The following KRT82 variants were observed in gnomAD, a reference collection of about 807,000 sequenced individuals.
The protein encoded by KRT82 is keratin, type II cuticular Hb2.
In KRT82, 44 loss-of-function variants were observed where a neutral mutation model predicts 48.0. That is an observed-to-expected ratio of 0.92 (90% CI 0.72 to 1.18). The LOEUF (loss-of-function observed/expected upper bound fraction) is 1.18. Ranked by LOEUF, KRT82 falls within the 50% of genes most tolerant of loss-of-function variation. The pLI, the probability that KRT82 is intolerant of heterozygous loss-of-function variation, is 0.00. For synonymous variants in KRT82, 297 were observed against 278.3 expected, an observed-to-expected ratio of 1.07 and a Z score of -0.67; for missense variants, 701 against 671.4, an observed-to-expected ratio of 1.04 and a Z score of -0.49.
At position 52,395,021 on chromosome 12, in the gene KRT82, C is replaced by T. The variant is rs777609039; in HGVS notation, c.1496G>A (p.Ser499Asn). The T allele has an allele frequency of 4.3e-6, 7 of 1,613,906 alleles. No individual in the cohort carries two copies. The change falls in exon 9 of 9, where the codon AGC becomes AAC. Residue 499 changes from serine to asparagine, a missense_variant. Transcript: ENST00000257974. ...LLSCGSGRKS[S>N]MTLGAGGSSP... is the part of the protein sequence containing the mutation. ...GCTGCCCCCAGCTCCTAGCGTCATGCTGGATTTCCGCCCGCTCCCACAGCT... is the reference window on the plus strand; with the variant it reads ...GCTGCCCCCAGCTCCTAGCGTCATGTTGGATTTCCGCCCGCTCCCACAGCT...
At chr12:52,400,857 C>A (rs900362384) in intron 3 of KRT82, among the ~76,000 whole-genome samples, 1 of 152,168 alleles carries the variant, frequency 6.6e-6, no homozygotes, top group East Asian at 1.9e-4. Flanking sequence ...TTAGCAGCAG[C>A]ATCTCAGAGC....
chr12:52,400,640 C>A lies in KRT82; in HGVS notation c.682-18G>T. On this transcript the variant is annotated intron_variant, in intron 3 of 8. Transcript: ENST00000257974. ...TCCACGTCCTGCAGCAGAGCAGGGA[C>A]AGAATGTGACCTGGCTGGGCCACCT... 1 of 1,589,086 alleles carries A rather than the reference C, an allele frequency of 6.3e-7. No homozygotes were observed. Among genetic ancestry groups the A allele is most frequent in the Non-Finnish European group, 8.6e-7 (1 of 1,157,548 alleles).
Position 52,406,062 on chromosome 12 carries a change from T to A in KRT82, c.216A>T (p.Gly72=). The change falls in exon 1 of 9, where the codon GGA becomes GGT. Residue 72 remains glycine (G), a synonymous_variant. Coordinates refer to ENST00000257974, the MANE Select transcript of KRT82 (RefSeq NM_033033.4). ...GGTACCCGAAGCCAGGCAGGGTACC[T>A]CCACACCTGGAGGCTACCCGGGGCC... ...FGRPRVASRC[G]GTLPGFGYRL... is the part of the protein sequence containing the mutation. 6.2e-7 allele frequency: 1 copy of A among 1,614,006 alleles called. No individual in the cohort carries two copies.
At chr12:52,396,362 G>A (rs1284814128) in intron 6 of KRT82, 130 bp from the exon 7 acceptor site, 13 of 805,826 alleles carry the variant, frequency 1.6e-5, no homozygotes, top group African/African-American at 6.9e-5. Flanking sequence ...CTAGGATTGC[G>A]ACATCTGGTT....
chr12:52,400,277 A>G, intron 4 of KRT82, 128 bp from the exon 5 acceptor site: 1 of 982,186 alleles, frequency 1.0e-6, no homozygotes, highest in Non-Finnish European at 1.5e-6. Context: ...TCTGGGCTTC[A>G]GTCACCAACT....
In KRT82 at chr12:52,400,567, A is replaced by G. The variant is rs201852959; in HGVS notation, c.737T>C (p.Leu246Pro). Residue 246 changes from leucine to proline, a missense_variant, in exon 4 of 9, where the codon CTC becomes CCC. Leu to Pro is a moderately conservative substitution (Grantham distance 98). Coordinates refer to ENST00000257974, the MANE Select transcript of KRT82 (RefSeq NM_033033.4). The stretch of plus-strand genomic sequence containing the variant: ...TTTCAGGAAGTCGATCTCCTGCACG[A>G]GTGCCTCTGCGTTGGTCTCCAGGTC... ...KADLETNAEA[L>P]VQEIDFLKSL... 606 of 1,614,110 alleles carry G rather than the reference A, an allele frequency of 3.8e-4. 8 individuals are homozygous for G. In the South Asian group the frequency reaches 6.3e-3, roughly 17 times the overall value.
chr12:52,403,959 T>C (rs755734562), intron 1 of KRT82, 50 bp from the exon 2 acceptor site: 1 of 1,557,090 alleles, frequency 6.4e-7, no homozygotes. Context: ...CTGGGGACCA[T>C]GACTTAGAGA....
intron 3 of KRT82, among the ~76,000 whole-genome samples, chr12:52,400,826 G>A (rs1939779907): frequency 1.3e-5 from 2 of 152,276 alleles, no homozygotes; most frequent in African/African-American, 2.4e-5. Flanking sequence ...GGATCTGAAG[G>A]GGGTGGGGCT....
chr12:52,401,039 C>T (rs575317100), intron 3 of KRT82, among the ~76,000 whole-genome samples: 5 of 152,260 alleles, frequency 3.3e-5, no homozygotes, highest in South Asian at 4.1e-4. Flanking sequence ...AACCCAGCTT[C>T]GGCCTGCATG....
rs1156864887 is a variant in KRT82, at chr12:52,395,238, G to T, written c.1322-43C>A. ...GGTGCTCAGGGCCCCACACGGTGTG[G>T]CTCTCAGTGTACTGCCCTGAAACTA... is the stretch of plus-strand genomic sequence containing the variant. On this transcript the variant is annotated intron_variant, in intron 8 of 8. Coordinates refer to ENST00000257974, the MANE Select transcript of KRT82 (RefSeq NM_033033.4). 7.1e-6 allele frequency: 11 copies of T among 1,539,974 alleles called. No individual in the cohort carries two copies. The South Asian group carries it at 1.3e-4, about 18-fold the overall frequency.
chr12:52,398,740 G>T (rs1290721855), intron 5 of KRT82, among the ~76,000 whole-genome samples: 2 of 152,062 alleles, frequency 1.3e-5, no homozygotes, highest in Non-Finnish European at 2.9e-5. Flanking sequence ...CCACCATGGA[G>T]CTCCAGAAAA....
At position 52,393,949 on chromosome 12, in the gene KRT82, A is replaced by G. The variant is rs1939669684; in HGVS notation, c.*1026T>C. 6.6e-6 allele frequency: 1 copy of G among 152,240 alleles called. No homozygotes were observed. Among genetic ancestry groups the G allele is most frequent in the Non-Finnish European group, 1.5e-5 (1 of 68,048 alleles). 9.4% of individuals were successfully genotyped at this position (152,240 alleles called of 1,614,324 possible). ...TAAATAATCCTGATTGCTATAATCC[A>G]TGAACAGAGTAGGTTTATTTTGAAC... On this transcript the variant is annotated 3_prime_UTR_variant, in exon 9 of 9. Coordinates refer to ENST00000257974, the MANE Select transcript of KRT82 (RefSeq NM_033033.4).
intron 8 of KRT82, among the ~76,000 whole-genome samples, chr12:52,395,431 C>T (rs1939700033): frequency 6.6e-6 from 1 of 152,194 alleles, no homozygotes. Context: ...GATTCAGCTT[C>T]ACCATTTCTC....
chr12:52,394,589 G>A lies in KRT82; in HGVS notation c.*386C>T, dbSNP rs1001202332. 3 of 230,444 alleles carry A rather than the reference G, an allele frequency of 1.3e-5. No homozygotes were observed. The highest frequency in any genetic ancestry group is 1.7e-4 in the South Asian group (2 of 11,678). 14.3% of individuals were successfully genotyped at this position (230,444 alleles called of 1,614,324 possible). A position where few individuals can be genotyped will look rare whatever the true frequency, so the allele number is the denominator to read the frequency against. ...GGCATGAGAGCCTAAAGTAAGGGCA[G>A]TGTGAGCCTGTGGTGGGAGAGGAGC... On this transcript the variant is annotated 3_prime_UTR_variant, in exon 9 of 9. Transcript: ENST00000257974.
In KRT82 at chr12:52,394,922, G is replaced by T; in HGVS notation, c.*53C>A. ...TTGTCTTCAGCCCTGGTGGGAGTGT[G>T]ACATCCAGGGCCATGGGGCAGGGGC... On this transcript the variant is annotated 3_prime_UTR_variant, in exon 9 of 9. Transcript: ENST00000257974. 3 of 1,470,914 alleles carry T rather than the reference G, an allele frequency of 2.0e-6. No homozygotes were observed. Among genetic ancestry groups the T allele is most frequent in the Admixed American group, 3.4e-5 (2 of 59,346 alleles). 91.1% of individuals were successfully genotyped at this position (1,470,914 alleles called of 1,614,324 possible).
intron 5 of KRT82, 147 bp downstream of exon 5, chr12:52,399,838 T>C: frequency 1.2e-6 from 1 of 813,234 alleles, no homozygotes; most frequent in Non-Finnish European, 1.9e-6. Context: ...CAACAGCAGC[T>C]GGGCTTTATG....
At chr12:52,397,054 T>A in intron 5 of KRT82, 46 bp from the exon 6 acceptor site, 1 of 1,599,950 alleles carries the variant, frequency 6.3e-7, no homozygotes. Context: ...CAAGATGGCA[T>A]CTCCTAGCCT....
rs766666197 is a variant in KRT82 at position 52,403,826 on chromosome 12, G to C, written c.495C>G (p.Ile165Met). The C allele has an allele frequency of 4.3e-6, 7 of 1,613,794 alleles. No individual in the cohort carries two copies. The African/African-American group carries it at 8.0e-5, about 18-fold the overall frequency. The stretch of plus-strand genomic sequence containing the variant: ...TGATATAGCCCTCGAAGATGGGCTC[G>C]ATGTTGGTCTGGCAGCACCTCTGCT... ...MQQQRCCQTN[I>M]EPIFEGYISA... Residue 165 changes from isoleucine to methionine, a missense_variant, in exon 2 of 9, where the codon ATC (isoleucine) becomes ATG (methionine). Physicochemically the swap from Ile to Met is conservative, Grantham distance 10. Coordinates refer to ENST00000257974, the MANE Select transcript of KRT82 (RefSeq NM_033033.4).
Position 52,394,703 on chromosome 12 carries a change from C to T in KRT82, c.*272G>A, listed in dbSNP as rs906128780. 3.4e-5 allele frequency: 18 copies of T among 524,874 alleles called. No individual in the cohort carries two copies. Among genetic ancestry groups the T allele is most frequent in the African/African-American group, 7.6e-5 (4 of 52,498 alleles). 32.5% of individuals were successfully genotyped at this position (524,874 alleles called of 1,614,324 possible). On this transcript the variant is annotated 3_prime_UTR_variant, in exon 9 of 9. Transcript: ENST00000257974. ...CCTTTTGGGGGTTATTGCCATTCTG[C>T]GGTTAAGAGCAATGCATGCTCTTTC...
Sources: gnomAD v4.1 joint callset for allele counts (sites outside exome capture counted in the v4.1 genomes callset) on GRCh38, gnomAD v4.1.1 for gene constraint, MANE v1.5 for transcripts, NCBI Gene and HGNC (gene_info 2026-07-23, HGNC 2026-07-21) for gene names.